Variants in PTPRO observed in about 807,000 individuals in gnomAD.
PTPRO encodes receptor-type tyrosine-protein phosphatase O.
In PTPRO, 62 loss-of-function variants were observed where a neutral mutation model predicts 145.2. The observed-to-expected ratio is 0.43, with a 90% confidence interval of 0.35 to 0.53. PTPRO has a LOEUF of 0.53. Ranked by LOEUF, PTPRO falls within the 20% of genes least tolerant of loss-of-function variation. The probability of loss-of-function intolerance (pLI) is 0.01; values close to 1 mark genes in which losing one functional copy is unlikely to be tolerated. For missense variants in PTPRO, 1,345 were observed against 1,482.7 expected (o/e 0.91, Z 1.53); for synonymous variants, 565 against 514.7 (o/e 1.10, Z -1.32).
intron 1 of PTPRO, among the ~76,000 whole-genome samples, chr12:15,416,496 T>A (rs1220650112): frequency 6.6e-6 from 1 of 151,360 alleles, no homozygotes; most frequent in Non-Finnish European, 1.5e-5. Context: ...ATTTTTTATA[T>A]TTTTAGTAGA....
chr12:15,546,954 A>G (rs747016789), intron 13 of PTPRO, among the ~76,000 whole-genome samples: 2 of 152,244 alleles, frequency 1.3e-5, no homozygotes, highest in African/African-American at 2.4e-5. Context: ...ACAAAGGAAT[A>G]AAGGTAGTAG....
chr12:15,327,105 T>C (rs937132008), intron 1 of PTPRO, among the ~76,000 whole-genome samples: 3 of 152,146 alleles, frequency 2.0e-5, no homozygotes, highest in Non-Finnish European at 4.4e-5. Flanking sequence ...TTAAGGAAAA[T>C]ATAGGAAAAT....
At chr12:15,409,495 T>C (rs1049106262) in intron 1 of PTPRO, among the ~76,000 whole-genome samples, 1 of 152,194 alleles carries the variant, frequency 6.6e-6, no homozygotes, top group Admixed American at 6.5e-5. Context: ...CATCGTCTTA[T>C]ATATAACAAG....
chr12:15,495,273 A>G (rs1942077557), intron 2 of PTPRO, among the ~76,000 whole-genome samples: 1 of 151,434 alleles, frequency 6.6e-6, no homozygotes, highest in Non-Finnish European at 1.5e-5. Context: ...TCCAGGAAAA[A>G]TCAAAGCATG....
intron 1 of PTPRO, among the ~76,000 whole-genome samples, chr12:15,384,426 T>C (rs551661224): frequency 6.6e-6 from 1 of 152,250 alleles, no homozygotes; most frequent in Non-Finnish European, 1.5e-5. Flanking sequence ...TTCTGGAGGA[T>C]GGAAAAGCTA....
At chr12:15,464,050 A>G (rs1388820278) in intron 1 of PTPRO, among the ~76,000 whole-genome samples, 1 of 152,170 alleles carries the variant, frequency 6.6e-6, no homozygotes, top group East Asian at 1.9e-4. Flanking sequence ...AATGGCTAAA[A>G]TCTCCCAGAA....
At chr12:15,412,259 C>T (rs559385472) in intron 1 of PTPRO, among the ~76,000 whole-genome samples, 4 of 152,324 alleles carry the variant, frequency 2.6e-5, no homozygotes, top group East Asian at 1.9e-4. Context: ...TTTTTCAATA[C>T]TTTGTAAGTC....
At chr12:15,398,836 T>G (rs1208940911) in intron 1 of PTPRO, among the ~76,000 whole-genome samples, 1 of 152,178 alleles carries the variant, frequency 6.6e-6, no homozygotes, top group Non-Finnish European at 1.5e-5. Context: ...CATTGTACCA[T>G]GAGTGTATTA....
intron 4 of PTPRO, 108 bp from the exon 5 acceptor site, chr12:15,501,512 A>C: frequency 9.6e-7 from 1 of 1,043,534 alleles, no homozygotes; most frequent in Non-Finnish European, 1.4e-6. Flanking sequence ...AAGTAAAATT[A>C]AATTCCACTT....
chr12:15,588,059 G>A (rs1265967739), intron 24 of PTPRO, among the ~76,000 whole-genome samples: 2 of 152,214 alleles, frequency 1.3e-5, no homozygotes, highest in Admixed American at 1.3e-4. Context: ...GCATTCACAG[G>A]TTAAAAGATG....
At chr12:15,479,833 G>A (rs988624895) in intron 1 of PTPRO, among the ~76,000 whole-genome samples, 3 of 152,156 alleles carry the variant, frequency 2.0e-5, no homozygotes, top group African/African-American at 7.2e-5. Flanking sequence ...GCCCTGCACT[G>A]TTCTCCTCTT....
intron 1 of PTPRO, among the ~76,000 whole-genome samples, chr12:15,353,253 A>G (rs1275290128): frequency 1.3e-5 from 2 of 152,198 alleles, no homozygotes; most frequent in Non-Finnish European, 2.9e-5. Flanking sequence ...GAGGACTTCA[A>G]AAAGTTCAAG....
intron 1 of PTPRO, among the ~76,000 whole-genome samples, chr12:15,479,769 A>C (rs1339219693): frequency 6.6e-6 from 1 of 152,196 alleles, no homozygotes; most frequent in Admixed American, 6.5e-5. Context: ...AGATTTCAGG[A>C]GGCAGGGAGG....
At chr12:15,571,102 G>T (rs918321756) in intron 19 of PTPRO, among the ~76,000 whole-genome samples, 1 of 152,074 alleles carries the variant, frequency 6.6e-6, no homozygotes, top group Non-Finnish European at 1.5e-5. Flanking sequence ...CTACGTGCAG[G>T]GAAGCAGCAC....
At chr12:15,506,104 T>C (rs767625549) in intron 6 of PTPRO, among the ~76,000 whole-genome samples, 17 of 152,214 alleles carry the variant, frequency 1.1e-4, no homozygotes, top group Non-Finnish European at 1.9e-4. Flanking sequence ...GTCCTTGGGT[T>C]GATTATCAAG....
chr12:15,549,371 A>G (rs768088557), intron 14 of PTPRO, 145 bp downstream of exon 14: 20 of 552,828 alleles, frequency 3.6e-5, no homozygotes, highest in Non-Finnish European at 1.1e-5. Context: ...CTTACTAGCT[A>G]TGGAGTTAGA....
intron 1 of PTPRO, among the ~76,000 whole-genome samples, chr12:15,335,964 T>C (rs1374000114): frequency 1.3e-5 from 2 of 152,200 alleles, no homozygotes; most frequent in African/African-American, 2.4e-5. Context: ...GCCTCTTTAC[T>C]ATATGGCTGC....
chr12:15,501,749 T>A lies in PTPRO; in HGVS notation c.791T>A (p.Leu264His). 1 of 1,614,028 alleles carries A rather than the reference T, an allele frequency of 6.2e-7. No individual in the cohort carries two copies. The highest frequency in any genetic ancestry group is 8.5e-7 in the Non-Finnish European group (1 of 1,179,972). The change falls in exon 5 of 27, where the codon CTC becomes CAC. Residue 264 changes from leucine (L) to histidine (H), a missense_variant. Leu to His is a moderately conservative substitution (Grantham distance 99). Transcript: ENST00000281171. ...RSQDTIGKEK[L>H]FHFTEETPEI... ...CAAGATACAATAGGAAAAGAAAAAC[T>A]CTTCCATTTTACAGAAGAAACCCCT...
At chr12:15,543,948 T>C (rs1943226721) in intron 12 of PTPRO, among the ~76,000 whole-genome samples, 1 of 152,196 alleles carries the variant, frequency 6.6e-6, no homozygotes, top group South Asian at 2.1e-4. Flanking sequence ...GTGTCAGGAA[T>C]GGTGGTGAAG....
Sources: gnomAD v4.1 joint callset for allele counts (sites outside exome capture counted in the v4.1 genomes callset) on GRCh38, gnomAD v4.1.1 for gene constraint, MANE v1.5 for transcripts, NCBI Gene and HGNC (gene_info 2026-07-23, HGNC 2026-07-21) for gene names.